The following ATP2B4 variants were observed in gnomAD, a reference collection of about 807,000 sequenced individuals.
ATP2B4 encodes the protein plasma membrane calcium-transporting ATPase 4.
Under a neutral mutation model 110.3 loss-of-function variants are expected in ATP2B4, and 39 were observed. The ratio of observed to expected loss-of-function variants is 0.35; its 90% CI spans 0.27 to 0.46. The LOEUF (loss-of-function observed/expected upper bound fraction) is 0.46. Ranked by LOEUF, ATP2B4 falls within the 20% of genes least tolerant of loss-of-function variation. The probability of loss-of-function intolerance (pLI) is 1.00; values close to 1 mark genes in which losing one functional copy is unlikely to be tolerated. For synonymous variants in ATP2B4, 538 were observed against 571.7 expected (o/e 0.94, Z 0.84); for missense variants, 1,135 against 1,530.9 (o/e 0.74, Z 4.32).
intron 1 of ATP2B4, among the ~76,000 whole-genome samples, chr1:203,679,894 CA>C (rs796642735): frequency 6.7e-6 from 1 of 149,860 alleles, no homozygotes; most frequent in Non-Finnish European, 1.5e-5. Flanking sequence ...AACAAACAAA[CA>C]AAAAAAACAC....
chr1:203,725,301 C>T (rs1029483116), intron 19 of ATP2B4, among the ~76,000 whole-genome samples: 1 of 152,040 alleles, frequency 6.6e-6, no homozygotes, highest in Non-Finnish European at 1.5e-5. Flanking sequence ...GCACCCACCA[C>T]CGCGCCCAGC....
chr1:203,735,110 AC>A (rs1251853654), intron 20 of ATP2B4, among the ~76,000 whole-genome samples: 1 of 152,094 alleles, frequency 6.6e-6, no homozygotes, highest in Non-Finnish European at 1.5e-5. Context: ...CATTTACTAA[AC>A]TTTTAGGAGT....
intron 1 of ATP2B4, among the ~76,000 whole-genome samples, chr1:203,672,311 A>G (rs1664689147): frequency 7.9e-6 from 1 of 127,354 alleles, no homozygotes; most frequent in Non-Finnish European, 1.6e-5. Flanking sequence ...TTCCTGAGTA[A>G]GTTGCGGTGG....
chr1:203,719,567 C>T (rs1050684044), intron 15 of ATP2B4, among the ~76,000 whole-genome samples: 3 of 151,152 alleles, frequency 2.0e-5, no homozygotes, highest in African/African-American at 4.9e-5. Context: ...AAAATTAGCC[C>T]GTCATGGTGG....
chr1:203,685,826 CATACTT>C (rs1334444037), intron 2 of ATP2B4, among the ~76,000 whole-genome samples: 10 of 152,128 alleles, frequency 6.6e-5, no homozygotes, highest in African/African-American at 2.4e-4. Flanking sequence ...ATACAGTGCT[CATACTT>C]ATAATTAGGT....
At chr1:203,635,932 G>T (rs1045857597) in intron 1 of ATP2B4, among the ~76,000 whole-genome samples, 1 of 152,068 alleles carries the variant, frequency 6.6e-6, no homozygotes, top group African/African-American at 2.4e-5. Context: ...CACCCTCACT[G>T]CTCCCCACCC....
intron 12 of ATP2B4, among the ~76,000 whole-genome samples, chr1:203,711,504 G>A (rs943525665): frequency 6.6e-6 from 1 of 152,114 alleles, no homozygotes; most frequent in African/African-American, 2.4e-5. Flanking sequence ...TTAGACAGAT[G>A]GACTATTAAT....
At chr1:203,724,574 C>A (rs570070313) in intron 19 of ATP2B4, among the ~76,000 whole-genome samples, 2 of 149,956 alleles carry the variant, frequency 1.3e-5, no homozygotes, top group South Asian at 2.2e-4. Context: ...CCAAACTTTT[C>A]AATGGAATTT....
intron 1 of ATP2B4, among the ~76,000 whole-genome samples, chr1:203,636,134 C>T (rs1355204096): frequency 6.6e-6 from 1 of 152,248 alleles, no homozygotes; most frequent in African/African-American, 2.4e-5. Context: ...ATTCACCAAA[C>T]AGCCCAGAGA....
Position 203,722,633 on chromosome 1 carries a change from G to A in ATP2B4, c.2968G>A (p.Gly990Ser). The A allele has an allele frequency of 6.2e-7, 1 of 1,614,168 alleles. No individual in the cohort carries two copies. The highest frequency in any genetic ancestry group is 8.5e-7 in the Non-Finnish European group (1 of 1,180,030). Residue 990 changes from glycine (G) to serine (S), a missense_variant, in exon 18 of 21, where the codon GGC (glycine) becomes AGC (serine). Gly to Ser is a moderately conservative substitution (Grantham distance 56, BLOSUM62 0). Transcript: ENST00000357681. ...KIHGEKNVFS[G>S]IYRNIIFCSV... ...CCATGGAGAGAAGAACGTCTTTTCA[G>A]GCATCTACCGCAACATTATCTTCTG...
chr1:203,713,332 G>A, intron 14 of ATP2B4, 80 bp downstream of exon 14: 1 of 1,519,466 alleles, frequency 6.6e-7, no homozygotes, highest in Non-Finnish European at 9.1e-7. Context: ...ACCAGCCAAA[G>A]CCACTCTCCT....
intron 5 of ATP2B4, 100 bp downstream of exon 5, chr1:203,700,431 T>C: frequency 7.0e-7 from 1 of 1,426,612 alleles, no homozygotes; most frequent in South Asian, 1.4e-5. Context: ...TCCCATCTCC[T>C]TCCCTGGGGT....
rs909565555 is a variant in ATP2B4, at chr1:203,639,550, C to T, written c.-465+12331C>T. On this transcript the variant is annotated intron_variant, in intron 1 of 20. Coordinates refer to ENST00000357681, the MANE Select transcript of ATP2B4 (RefSeq NM_001684.5). ...TCAGGGAGGTAAGATCTAGACCCGA[C>T]GCACAACTGAGCTGGTAGGGGCCTT... Among the ~76,000 whole-genome samples the T allele has an allele frequency of 2.6e-5, 4 of 152,298 alleles. No individual in the cohort carries two copies. The East Asian group carries it at 5.8e-4, about 22-fold the overall frequency.
chr1:203,722,725 G>C, intron 18 of ATP2B4, 36 bp downstream of exon 18: 1 of 1,602,254 alleles, frequency 6.2e-7, no homozygotes, highest in South Asian at 1.1e-5. Context: ...AGGAGATCTG[G>C]AATGATAAAG....
chr1:203,709,153 T>C, intron 10 of ATP2B4, 148 bp from the exon 11 acceptor site: 1 of 1,114,262 alleles, frequency 9.0e-7, no homozygotes, highest in Non-Finnish European at 1.2e-6. Flanking sequence ...CGAGACTCCA[T>C]CTCCAAAAAA....
chr1:203,638,051 A>G (rs112391806), intron 1 of ATP2B4, among the ~76,000 whole-genome samples: 2,152 of 152,242 alleles, frequency 0.014, 55 homozygotes, highest in African/African-American at 0.049. Flanking sequence ...GCAGGGCTCA[A>G]CTGGAAATTA....
Position 203,683,307 on chromosome 1 carries a change from G to A in ATP2B4, c.102G>A (p.Glu34=). The change falls in exon 2 of 21, where the codon GAG becomes GAA. Residue 34 remains glutamate (E), a synonymous_variant. Transcript: ENST00000357681. ...CTVMELRKLM[E]LRSRDALTQI... ...TAATGGAACTGAGGAAGCTCATGGA[G>A]CTGCGTTCAAGGGATGCACTGACCC... The A allele has an allele frequency of 6.2e-7, 1 of 1,614,218 alleles. No individual in the cohort carries two copies.
intron 19 of ATP2B4, among the ~76,000 whole-genome samples, chr1:203,725,750 T>G (rs1301342145): frequency 6.6e-6 from 1 of 152,064 alleles, no homozygotes; most frequent in Non-Finnish European, 1.5e-5. Context: ...AGATAATCCC[T>G]TAGTGTCCAG....
intron 3 of ATP2B4, among the ~76,000 whole-genome samples, chr1:203,699,180 T>C (rs1196462606): frequency 6.6e-6 from 1 of 152,228 alleles, no homozygotes; most frequent in Non-Finnish European, 1.5e-5. Context: ...CCTGACCATG[T>C]TGGGAACCAT....
Sources: gnomAD v4.1 joint callset for allele counts (sites outside exome capture counted in the v4.1 genomes callset) on GRCh38, gnomAD v4.1.1 for gene constraint, MANE v1.5 for transcripts, NCBI Gene and HGNC (gene_info 2026-07-23, HGNC 2026-07-21) for gene names.